The following DLGAP2 variants were observed in gnomAD, a reference collection of about 807,000 sequenced individuals.
DLGAP2 encodes disks large-associated protein 2.
Under a neutral mutation model 100.3 loss-of-function variants are expected in DLGAP2, and 26 were observed. That is an observed-to-expected ratio of 0.26 (90% confidence interval 0.19 to 0.36). The LOEUF (loss-of-function observed/expected upper bound fraction) is 0.36. DLGAP2 is among the 10% of genes least tolerant of loss of function. The pLI is 1.00. For missense variants in DLGAP2, 1,858 were observed against 1,453.2 expected (o/e 1.28, Z -4.53); for synonymous variants, 886 against 630.1 (o/e 1.41, Z -6.08).
chr8:946,859 C>G (rs552907488), intron 2 of DLGAP2, among the ~76,000 whole-genome samples: 3 of 152,184 alleles, frequency 2.0e-5, no homozygotes, highest in Non-Finnish European at 4.4e-5. Flanking sequence ...CCGTCCCTGA[C>G]GGTGGCTGCC....
intron 8 of DLGAP2, among the ~76,000 whole-genome samples, chr8:1,645,638 T>C (rs1000549922): frequency 6.6e-6 from 1 of 152,352 alleles, no homozygotes; most frequent in Admixed American, 6.5e-5. Flanking sequence ...TACATTTGTG[T>C]TGGTTGATTA....
chr8:1,291,480 TCCC>T (rs1302731458), intron 3 of DLGAP2, among the ~76,000 whole-genome samples: 3 of 152,142 alleles, frequency 2.0e-5, no homozygotes, highest in Non-Finnish European at 2.9e-5. Context: ...GACGTATGGC[TCCC>T]TTCAGTGCCA....
At chr8:1,064,014 C>T (rs1803169123) in intron 2 of DLGAP2, among the ~76,000 whole-genome samples, 1 of 152,166 alleles carries the variant, frequency 6.6e-6, no homozygotes, top group African/African-American at 2.4e-5. Flanking sequence ...TGACATGGTT[C>T]TCCAGAAGAG....
chr8:1,668,483 GGACAGCCGC>G lies in DLGAP2; in HGVS notation c.1967_1975del (p.Asp656_Arg658del). On this transcript the variant is annotated inframe_deletion, in exon 9 of 15. Transcript: ENST00000637795. ...CACAGAGGATGTCCCCGTGGCCCCA[GGACAGCCGC>G]GGCCTCTACAACTCCACGGACAGCC... 6.3e-7 allele frequency: 1 copy of G among 1,593,022 alleles called. No individual in the cohort carries two copies. The highest frequency in any genetic ancestry group is 8.5e-7 in the Non-Finnish European group (1 of 1,170,774).
chr8:1,156,014 T>A (rs866545206), intron 2 of DLGAP2, among the ~76,000 whole-genome samples: 6 of 152,138 alleles, frequency 3.9e-5, no homozygotes, highest in African/African-American at 4.8e-5. Flanking sequence ...GGCCGGTGAC[T>A]TTCTGCAGCT....
At chr8:1,291,912 C>G (rs1300846055) in intron 3 of DLGAP2, among the ~76,000 whole-genome samples, 2 of 152,158 alleles carry the variant, frequency 1.3e-5, no homozygotes, top group Non-Finnish European at 2.9e-5. Flanking sequence ...TTGACTATTA[C>G]AAAATGTTCA....
chr8:1,023,944 A>G (rs1268597042), intron 2 of DLGAP2, among the ~76,000 whole-genome samples: 3 of 143,376 alleles, frequency 2.1e-5, no homozygotes, highest in Non-Finnish European at 3.0e-5. Flanking sequence ...GCTGCTTTCT[A>G]AGTGTGGGTG....
chr8:1,554,271 G>C (rs3793411), intron 5 of DLGAP2, among the ~76,000 whole-genome samples: 58,936 of 151,500 alleles, frequency 0.39, 12,866 homozygotes, highest in East Asian at 0.54. Flanking sequence ...CTGGGTGACA[G>C]AGCAAGACTC....
chr8:836,732 C>T (rs941973764), intron 1 of DLGAP2, among the ~76,000 whole-genome samples: 1 of 152,194 alleles, frequency 6.6e-6, no homozygotes, highest in African/African-American at 2.4e-5. Flanking sequence ...GGCCGCGTTG[C>T]TAAGGAGACG....
At chr8:759,633 A>G (rs1219914956) in intron 1 of DLGAP2, among the ~76,000 whole-genome samples, 1 of 152,096 alleles carries the variant, frequency 6.6e-6, no homozygotes, top group African/African-American at 2.4e-5. Context: ...ACGGGTGTGC[A>G]TAGGTCTGAG....
At chr8:1,241,928 C>T (rs1798805594) in intron 2 of DLGAP2, among the ~76,000 whole-genome samples, 1 of 152,158 alleles carries the variant, frequency 6.6e-6, no homozygotes, top group Non-Finnish European at 1.5e-5. Context: ...TTTAATATGA[C>T]AAGGTACATG....
chr8:1,309,339 C>T (rs967156428), intron 3 of DLGAP2, among the ~76,000 whole-genome samples: 2 of 151,954 alleles, frequency 1.3e-5, no homozygotes, highest in Non-Finnish European at 2.9e-5. Flanking sequence ...GAGAAAATCC[C>T]AAAAGCAGCA....
intron 1 of DLGAP2, among the ~76,000 whole-genome samples, chr8:839,481 C>G (rs1796942076): frequency 6.6e-6 from 1 of 152,176 alleles, no homozygotes; most frequent in African/African-American, 2.4e-5. Flanking sequence ...CGCAGAAAGA[C>G]AAATGCCACC....
intron 2 of DLGAP2, among the ~76,000 whole-genome samples, chr8:938,264 G>A (rs1267013684): frequency 6.6e-6 from 1 of 152,130 alleles, no homozygotes; most frequent in African/African-American, 2.4e-5. Flanking sequence ...GAGACCCTTT[G>A]AAGGCTCACT....
At chr8:1,028,380 C>T (rs1324024117) in intron 2 of DLGAP2, among the ~76,000 whole-genome samples, 10 of 145,570 alleles carry the variant, frequency 6.9e-5, no homozygotes, top group East Asian at 2.3e-4. Flanking sequence ...GTCAGGCACC[C>T]GTTATTCTCC....
intron 13 of DLGAP2, 143 bp from the exon 14 acceptor site, chr8:1,697,004 C>T (rs941481835): frequency 2.3e-6 from 2 of 877,536 alleles, no homozygotes; most frequent in Non-Finnish European, 1.6e-6. Flanking sequence ...GCATGGCCTT[C>T]CCAAGTATCT....
intron 1 of DLGAP2, among the ~76,000 whole-genome samples, chr8:742,553 G>T (rs1188848778): frequency 1.3e-5 from 2 of 152,228 alleles, no homozygotes; most frequent in Admixed American, 1.3e-4. Context: ...CTGTCACCCA[G>T]GCGGGAGTGC....
intron 3 of DLGAP2, among the ~76,000 whole-genome samples, chr8:1,310,057 T>TC (rs1800579511): frequency 4.1e-5 from 3 of 73,044 alleles, no homozygotes; most frequent in African/African-American, 2.5e-4. Flanking sequence ...AGTCTCCATC[T>TC]CAAAAAAAAA....
chr8:1,621,273 G>C (rs1797327431), intron 6 of DLGAP2: 1 of 152,554 alleles, frequency 6.6e-6, no homozygotes, highest in Non-Finnish European at 1.5e-5. Flanking sequence ...GGAGGTGGTT[G>C]GTCCGGCTGG....
Sources: gnomAD v4.1 joint callset for allele counts (sites outside exome capture counted in the v4.1 genomes callset) on GRCh38, gnomAD v4.1.1 for gene constraint, MANE v1.5 for transcripts, NCBI Gene and HGNC (gene_info 2026-07-23, HGNC 2026-07-21) for gene names.